Variants in RAB6B observed in about 807,000 individuals in gnomAD.
RAB6B encodes RAB6B, member RAS oncogene family.
A neutral mutation model predicts 31.2 loss-of-function variants in RAB6B; 7 were observed. That is an observed-to-expected ratio of 0.22 (90% CI 0.13 to 0.42). The LOEUF (loss-of-function observed/expected upper bound fraction) is 0.42. Ranked by LOEUF, RAB6B falls within the 10% of genes least tolerant of loss-of-function variation. The pLI is 1.00. For synonymous variants in RAB6B, 105 were observed against 104.9 expected (o/e 1.00, Z -0.01); for missense variants, 149 against 280.6 (o/e 0.53, Z 3.35).
chr3:133,870,814 G>A (rs1392988169), intron 1 of RAB6B, among the ~76,000 whole-genome samples: 1 of 74,666 alleles, frequency 1.3e-5, no homozygotes. Flanking sequence ...GCATGAAACA[G>A]TTATTTTTCT....
At position 133,828,652 on chromosome 3, in the gene RAB6B, CTACTCCT is replaced by C; in HGVS notation, c.*129_*135del. 3 of 789,278 alleles carry C rather than the reference CTACTCCT, an allele frequency of 3.8e-6. No homozygotes were observed. The highest frequency in any genetic ancestry group is 2.7e-5 in the East Asian group (1 of 37,340). The allele number at this position is 789,278 out of a possible 1,614,324, so 48.9% of individuals were successfully genotyped here. A position where few individuals can be genotyped will look rare whatever the true frequency, so the allele number is the denominator to read the frequency against. ...GCCCAGCCTCCCTCCCCATCCCACC[CTACTCCT>C]AAAGACAGAGAGAAAAGAAAAATCC... is the stretch of plus-strand genomic sequence containing the variant. On this transcript the variant is annotated 3_prime_UTR_variant, in exon 8 of 8. Transcript: ENST00000285208.
Position 133,857,098 on chromosome 3 carries a change from C to A in RAB6B, c.129+7486G>T, listed in dbSNP as rs142905242. ...TGGTCGGGACACTGTGGAAAGTTGT[C>A]ATTTGTTTCACTTTATCACTATTAT... On this transcript the variant is annotated intron_variant, in intron 2 of 7. Coordinates refer to ENST00000285208, the MANE Select transcript of RAB6B (RefSeq NM_016577.4). 2.1e-4 allele frequency among the ~76,000 whole-genome samples: 32 copies of A among 152,290 alleles called. No homozygotes were observed. In the East Asian group the frequency reaches 5.8e-3, roughly 28 times the overall value.
At chr3:133,842,243 C>A (rs1406148749) in intron 2 of RAB6B, among the ~76,000 whole-genome samples, 1 of 152,218 alleles carries the variant, frequency 6.6e-6, no homozygotes, top group Non-Finnish European at 1.5e-5. Context: ...TCTCCCCAAG[C>A]CAAAACATTG....
rs1576414114 is a variant in RAB6B, at chr3:133,895,394, T to C, written c.70+3A>G. The C allele has an allele frequency of 6.2e-7, 1 of 1,611,008 alleles. No homozygotes were observed. Among genetic ancestry groups the C allele is most frequent in the East Asian group, 2.2e-5 (1 of 44,658 alleles). ...AAGCCAAGAGATTAAGCCGGGTACT[T>C]ACCGCTCTGCTCCCCCAAGAACACC... On this transcript the variant is annotated splice_donor_region_variant and intron_variant, in intron 1 of 7. Transcript: ENST00000285208.
At chr3:133,838,307 C>A in intron 5 of RAB6B, 48 bp from the exon 6 acceptor site, 1 of 1,561,980 alleles carries the variant, frequency 6.4e-7, no homozygotes. Flanking sequence ...AGAAGCAGAC[C>A]CTGGCAGATA....
chr3:133,865,423 T>C (rs1369252922), intron 1 of RAB6B, among the ~76,000 whole-genome samples: 2 of 152,228 alleles, frequency 1.3e-5, no homozygotes, highest in Non-Finnish European at 2.9e-5. Flanking sequence ...GCTTCTGACC[T>C]CACCCTGTGC....
At chr3:133,877,693 C>A (rs1028651659) in intron 1 of RAB6B, among the ~76,000 whole-genome samples, 24 of 151,040 alleles carry the variant, frequency 1.6e-4, no homozygotes, top group African/African-American at 5.8e-4. Context: ...CCCAAACTGA[C>A]AGAGATGTTA....
At chr3:133,889,464 T>C (rs1284237867) in intron 1 of RAB6B, among the ~76,000 whole-genome samples, 1 of 142,514 alleles carries the variant, frequency 7.0e-6, no homozygotes, top group South Asian at 2.3e-4. Context: ...GGATGGAGTT[T>C]TGCTCTGTTG....
At chr3:133,887,025 G>T in intron 1 of RAB6B, among the ~76,000 whole-genome samples, 1 of 152,132 alleles carries the variant, frequency 6.6e-6, no homozygotes, top group Non-Finnish European at 1.5e-5. Context: ...GATGGGGTGG[G>T]GGTGGGAGCT....
intron 6 of RAB6B, among the ~76,000 whole-genome samples, chr3:133,837,720 C>A (rs550087212): frequency 6.6e-6 from 1 of 152,328 alleles, no homozygotes; most frequent in South Asian, 2.1e-4. Flanking sequence ...TAGGCTCTTT[C>A]CCCCAGGCCT....
chr3:133,838,281 G>A (rs769692525), intron 5 of RAB6B, 22 bp from the exon 6 acceptor site: 21 of 1,602,900 alleles, frequency 1.3e-5, no homozygotes, highest in Non-Finnish European at 1.5e-5. Context: ...GGGAAGGGGG[G>A]AAATCAGCTC....
chr3:133,860,573 G>T (rs867249674), intron 2 of RAB6B, among the ~76,000 whole-genome samples: 81 of 152,366 alleles, frequency 5.3e-4, no homozygotes, highest in African/African-American at 1.9e-3. Flanking sequence ...GAAAGCCTCA[G>T]GGCGGAGCGG....
rs1324007745 is a variant in RAB6B at position 133,889,399 on chromosome 3, T to C, written c.70+5998A>G. ...ATAAGGTTATTTTGTTATATATATA[T>C]ATATATATATATATATATATATATA... On this transcript the variant is annotated intron_variant, in intron 1 of 7. Coordinates refer to ENST00000285208, the MANE Select transcript of RAB6B (RefSeq NM_016577.4). Among the ~76,000 whole-genome samples, 81 of 17,498 alleles carry C rather than the reference T, an allele frequency of 4.6e-3. 1 individual carries two copies. Among genetic ancestry groups the C allele is most frequent in the Admixed American group, 8.9e-3 (20 of 2,248 alleles). 11.5% of individuals were successfully genotyped at this position (17,498 alleles called of 152,430 possible). A position where few individuals can be genotyped will look rare whatever the true frequency, so the allele number is the denominator to read the frequency against.
At chr3:133,869,879 T>G (rs1936292000) in intron 1 of RAB6B, among the ~76,000 whole-genome samples, 1 of 152,192 alleles carries the variant, frequency 6.6e-6, no homozygotes, top group Non-Finnish European at 1.5e-5. Context: ...CCGCCTTCAG[T>G]GCTGCATGGA....
chr3:133,839,657 A>G (rs1291582424), intron 4 of RAB6B, 40 bp from the exon 5 acceptor site: 1 of 1,473,552 alleles, frequency 6.8e-7, no homozygotes, highest in Non-Finnish European at 9.5e-7. Context: ...AGCCAGGGCC[A>G]GCCACCAGTG....
chr3:133,861,974 T>C (rs1348286169), intron 2 of RAB6B, among the ~76,000 whole-genome samples: 1 of 152,154 alleles, frequency 6.6e-6, no homozygotes, highest in Non-Finnish European at 1.5e-5. Flanking sequence ...TCTGCCACCA[T>C]GTTAGGAAAA....
intron 2 of RAB6B, among the ~76,000 whole-genome samples, chr3:133,857,426 G>GAA (rs71136497): frequency 2.5e-5 from 3 of 119,832 alleles, no homozygotes; most frequent in East Asian, 3.2e-4. Context: ...TTTTTGAAGG[G>GAA]AAAAAAAAAA....
At chr3:133,858,875 T>C (rs989631162) in intron 2 of RAB6B, among the ~76,000 whole-genome samples, 2 of 152,236 alleles carry the variant, frequency 1.3e-5, no homozygotes, top group African/African-American at 4.8e-5. Context: ...TGCATTTTTT[T>C]AACCTGGAAA....
intron 2 of RAB6B, among the ~76,000 whole-genome samples, chr3:133,862,934 C>A (rs1275004796): frequency 1.3e-5 from 2 of 152,198 alleles, no homozygotes; most frequent in East Asian, 3.8e-4. Flanking sequence ...TATATGAGAT[C>A]ATTCATACAC....
Sources: gnomAD v4.1 joint callset for allele counts (sites outside exome capture counted in the v4.1 genomes callset) on GRCh38, gnomAD v4.1.1 for gene constraint, MANE v1.5 for transcripts, NCBI Gene and HGNC (gene_info 2026-07-23, HGNC 2026-07-21) for gene names.